ERN1: variants seen among roughly 807,000 people sequenced by gnomAD.
ERN1 encodes the protein serine/threonine-protein kinase/endoribonuclease IRE1.
ERN1 carries 39 observed loss-of-function variants against 113.1 expected under a neutral mutation model. The observed-to-expected ratio is 0.34, with a 90% CI of 0.27 to 0.45. ERN1 has a LOEUF of 0.45. Among genes scored for constraint, ERN1 ranks in the 20% least tolerant of loss-of-function variants. The pLI is 1.00. For missense variants in ERN1, 976 were observed against 1,274.8 expected, an observed-to-expected ratio of 0.77 and a Z score of 3.57; for synonymous variants, 507 against 515.9, an observed-to-expected ratio of 0.98 and a Z score of 0.23.
chr17:64,110,351 GT>G (rs1201279242), intron 1 of ERN1, among the ~76,000 whole-genome samples: 1 of 151,904 alleles, frequency 6.6e-6, no homozygotes, highest in African/African-American at 2.4e-5. Flanking sequence ...TCATTTTTTT[GT>G]GGTGAGAACA....
intron 1 of ERN1, among the ~76,000 whole-genome samples, chr17:64,124,450 C>T (rs1464319410): frequency 6.6e-6 from 1 of 152,128 alleles, no homozygotes; most frequent in South Asian, 2.1e-4. Flanking sequence ...GGAGGGACCC[C>T]GTGGGAGACA....
rs376687803 is a variant in ERN1, at chr17:64,053,393, G to A, written c.1954-22C>T. Reference sequence around the variant, plus strand: ...CATACTGCAAAAGACATGACAGCAAGGTCACGGCACACAGTCCTCAGGACT... The same window carrying A: ...CATACTGCAAAAGACATGACAGCAAAGTCACGGCACACAGTCCTCAGGACT... On this transcript the variant is annotated intron_variant, in intron 15 of 21. Transcript: ENST00000433197. The A allele has an allele frequency of 1.2e-5, 18 of 1,560,840 alleles. No individual in the cohort carries two copies. The African/African-American group carries it at 2.2e-4, about 19-fold the overall frequency.
intron 2 of ERN1, among the ~76,000 whole-genome samples, chr17:64,081,904 A>T (rs1201039009): frequency 6.6e-6 from 1 of 152,220 alleles, no homozygotes; most frequent in Non-Finnish European, 1.5e-5. Flanking sequence ...GTGTAGTGAC[A>T]GATCCAAAAG....
rs1912606808 is a variant in ERN1 at position 64,049,188 on chromosome 17, G to A, written c.2268C>T (p.Asp756=). The A allele has an allele frequency of 6.3e-7, 1 of 1,595,968 alleles. No individual in the cohort carries two copies. Among genetic ancestry groups the A allele is most frequent in the Non-Finnish European group, 8.6e-7 (1 of 1,166,430 alleles). ...DCKENPTYTV[D]IFSAGCVFYY... is the part of the protein sequence containing the mutation. ...AAAAGACGCAGCCTGCAGAAAAGAT[G>A]TCCACCGTGTAGGTCTGAAAAGAGA... The change falls in exon 18 of 22, where the codon GAC becomes GAT. Residue 756 remains aspartate, a synonymous_variant. Transcript: ENST00000433197. The surrounding 1 kb of genome is among the most constrained non-coding windows in gnomAD (Gnocchi z 4.7).
intron 4 of ERN1, 33 bp from the exon 5 acceptor site, chr17:64,075,280 TAACC>T (rs1913558045): frequency 6.9e-7 from 1 of 1,443,658 alleles, no homozygotes; most frequent in Non-Finnish European, 9.2e-7. Flanking sequence ...AAAAAAAAGT[TAACC>T]AAGTCTTGTG....
intron 12 of ERN1, 24 bp from the exon 13 acceptor site, chr17:64,055,972 G>A (rs1431029638): frequency 6.6e-7 from 1 of 1,516,426 alleles, no homozygotes; most frequent in Non-Finnish European, 8.8e-7. Context: ...CCCACATCCA[G>A]ACAAGGGCAG....
intron 1 of ERN1, among the ~76,000 whole-genome samples, chr17:64,127,990 G>C (rs1304029898): frequency 6.6e-6 from 1 of 151,036 alleles, no homozygotes; most frequent in African/African-American, 2.4e-5. Context: ...AATTCTAGGA[G>C]TGAAATTCTG....
intron 1 of ERN1, among the ~76,000 whole-genome samples, chr17:64,109,219 A>T (rs530622420): frequency 1.7e-4 from 26 of 152,208 alleles, no homozygotes; most frequent in African/African-American, 6.3e-4. Context: ...GGTAACAGCA[A>T]CTAATCTGAA....
rs138647760 is a variant in ERN1 at position 64,065,883 on chromosome 17, G to A, written c.843-596C>T. Among the ~76,000 whole-genome samples, 160 of 152,314 alleles carry A rather than the reference G, an allele frequency of 1.1e-3. 2 individuals carry two copies. The highest frequency in any genetic ancestry group is 2.8e-3 in the African/African-American group (117 of 41,552). ...ACATCAGGGAGACAGAAAATGGTGAGAGCTACACCTCCTGGCCCTTCTGCT... is the reference window on the plus strand; with the variant it reads ...ACATCAGGGAGACAGAAAATGGTGAAAGCTACACCTCCTGGCCCTTCTGCT... On this transcript the variant is annotated intron_variant, in intron 8 of 21. Coordinates refer to ENST00000433197, the MANE Select transcript of ERN1 (RefSeq NM_001433.5).
intron 1 of ERN1, among the ~76,000 whole-genome samples, chr17:64,116,210 A>T (rs1914798555): frequency 1.3e-5 from 2 of 152,138 alleles, no homozygotes. Context: ...CATCTCCTAA[A>T]CTGAAAGGGT....
At chr17:64,119,332 T>C (rs531968425) in intron 1 of ERN1, among the ~76,000 whole-genome samples, 2 of 150,308 alleles carry the variant, frequency 1.3e-5, no homozygotes, top group African/African-American at 2.4e-5. Context: ...TTGAATGATA[T>C]AGTACAGTAG....
In ERN1 at chr17:64,064,069, G is replaced by T; in HGVS notation, c.1004C>A (p.Thr335Lys). Residue 335 changes from threonine (T) to lysine (K), a missense_variant, in exon 10 of 22, where the codon ACG (threonine) becomes AAG (lysine). By Grantham distance (78) the Thr-to-Lys change is moderately conservative. Around this residue, in one of 5 missense-constraint regions of ERN1, gnomAD observed 459 missense variants for 581.2 expected, o/e 0.79. Transcript: ENST00000433197. ...TIGDKGECVITPSTDVKFDPG... is the reference protein window; with the variant it reads ...TIGDKGECVIKPSTDVKFDPG... ...ATCAAACTTGACGTCCGTGCTGGGC[G>T]TGATCACACACTCCCCCTTGTCCCC... 1 of 1,613,660 alleles carries T rather than the reference G, an allele frequency of 6.2e-7. No homozygotes were observed. Among genetic ancestry groups the T allele is most frequent in the Non-Finnish European group, 8.5e-7 (1 of 1,179,730 alleles).
At chr17:64,065,494 A>G (rs990075345) in intron 8 of ERN1, among the ~76,000 whole-genome samples, 1 of 152,154 alleles carries the variant, frequency 6.6e-6, no homozygotes, top group African/African-American at 2.4e-5. Context: ...CACTGCAGAA[A>G]CATGGACAAG....
intron 1 of ERN1, among the ~76,000 whole-genome samples, chr17:64,110,206 GTTTGTT>G (rs538827629): frequency 2.4e-4 from 37 of 152,162 alleles, no homozygotes; most frequent in African/African-American, 8.4e-4. Context: ...TTTAAAAAAA[GTTTGTT>G]TTTATTTTTT....
At chr17:64,058,539 T>C (rs1475905024) in intron 11 of ERN1, among the ~76,000 whole-genome samples, 3 of 152,190 alleles carry the variant, frequency 2.0e-5, no homozygotes, top group African/African-American at 4.8e-5. Flanking sequence ...CTTCAAAGTT[T>C]TTAAGAAGCA....
At chr17:64,129,704 G>A (rs1915182422) in intron 1 of ERN1, 2 of 377,382 alleles carry the variant, frequency 5.3e-6, no homozygotes, top group African/African-American at 2.1e-5. Flanking sequence ...CGCGGGGTCC[G>A]GGGAGCCGCT....
chr17:64,044,755 G>A lies in ERN1; in HGVS notation c.2721+105C>T, dbSNP rs776053617. 5 of 799,422 alleles carry A rather than the reference G, an allele frequency of 6.3e-6. No homozygotes were observed. The highest frequency in any genetic ancestry group is 1.0e-5 in the Non-Finnish European group (5 of 482,220). The allele number at this position is 799,422 out of a possible 1,614,324, so 49.5% of individuals were successfully genotyped here. On this transcript the variant is annotated intron_variant, in intron 21 of 21. Coordinates refer to ENST00000433197, the MANE Select transcript of ERN1 (RefSeq NM_001433.5). The surrounding 1 kb of genome is among the most constrained non-coding windows in gnomAD (Gnocchi z 4.1). ...TGAAGCCGCCTAGCTCCTGAGAGAT[G>A]AGAATGCCAGTACAGATAAAAGATT...
intron 4 of ERN1, among the ~76,000 whole-genome samples, chr17:64,078,479 G>T (rs890610629): frequency 2.0e-5 from 3 of 151,952 alleles, no homozygotes; most frequent in African/African-American, 4.8e-5. Flanking sequence ...TCAATATATT[G>T]ATTTTTTCCT....
chr17:64,053,245 C>A (rs1912745422), intron 16 of ERN1, 27 bp downstream of exon 16: 4 of 1,561,002 alleles, frequency 2.6e-6, no homozygotes, highest in Non-Finnish European at 3.5e-6. Flanking sequence ...ACCCGGGCCG[C>A]TGGCCTGGTA....
Sources: gnomAD v4.1 joint callset for allele counts (sites outside exome capture counted in the v4.1 genomes callset) on GRCh38, gnomAD v4.1.1 for gene constraint, gnomAD v4.1.1 regional missense constraint, Gnocchi (gnomAD v3.1) non-coding constraint, MANE v1.5 for transcripts, NCBI Gene and HGNC (gene_info 2026-07-23, HGNC 2026-07-21) for gene names.